Variants in WASHC5 observed in about 807,000 individuals in gnomAD.
WASHC5 encodes the protein WASH complex subunit strumpellin.
Under a neutral mutation model 150.4 loss-of-function variants are expected in WASHC5, and 101 were observed. The observed-to-expected ratio is 0.67, with a 90% CI of 0.57 to 0.79. The LOEUF (loss-of-function observed/expected upper bound fraction) is 0.79, where lower values mean the gene tolerates loss of function less well. Among genes scored for constraint, WASHC5 ranks in the 30% least tolerant of loss-of-function variants. WASHC5 has a pLI of 0.00. For synonymous variants in WASHC5, 467 were observed against 491.2 expected (o/e 0.95, Z 0.65); for missense variants, 1,195 against 1,396.3 (o/e 0.86, Z 2.30).
chr8:125,068,217 T>A (rs1346838835), intron 9 of WASHC5, among the ~76,000 whole-genome samples: 1 of 152,206 alleles, frequency 6.6e-6, no homozygotes, highest in Non-Finnish European at 1.5e-5. Context: ...AGAGCTGCCA[T>A]CATTTTGAGA....
rs1817292446 is a variant in WASHC5, at chr8:125,082,459, T to G, written c.341A>C (p.Asp114Ala). ...KYIVDLNRYL[D>A]DLNEGVYIQQ... ...AATATAAACCCCTTCATTGAGATCA[T>G]CTAGATATCTAGAAATAAAACCACA... is the stretch of plus-strand genomic sequence containing the variant. Residue 114 changes from aspartate (D) to alanine (A), a missense_variant, in exon 4 of 29, where the codon GAT becomes GCT. By Grantham distance (126) the Asp-to-Ala change is moderately radical. Transcript: ENST00000318410. 6.5e-7 allele frequency: 1 copy of G among 1,529,986 alleles called. No homozygotes were observed. The highest frequency in any genetic ancestry group is 9.1e-7 in the Non-Finnish European group (1 of 1,104,268). 94.8% of individuals were successfully genotyped at this position (1,529,986 alleles called of 1,614,324 possible). A position where few individuals can be genotyped will look rare whatever the true frequency, so the allele number is the denominator to read the frequency against.
chr8:125,037,683 T>G, intron 25 of WASHC5, among the ~76,000 whole-genome samples: 2 of 146,144 alleles, frequency 1.4e-5, no homozygotes, highest in Admixed American at 6.8e-5. Flanking sequence ...GAGCTGGAGG[T>G]GAATATAGGG....
intron 17 of WASHC5, among the ~76,000 whole-genome samples, chr8:125,053,627 T>G (rs768324670): frequency 1.3e-5 from 2 of 152,176 alleles, no homozygotes; most frequent in Non-Finnish European, 2.9e-5. Context: ...CCATGGTATT[T>G]CCTTTAGCAT....
Position 125,062,011 on chromosome 8 carries a change from GT to G in WASHC5, c.1409-818del, listed in dbSNP as rs1009193885. Among the ~76,000 whole-genome samples, 115 of 149,426 alleles carry G rather than the reference GT, an allele frequency of 7.7e-4. 1 individual carries two copies. The East Asian group carries it at 0.018, about 23-fold the overall frequency. On this transcript the variant is annotated intron_variant, in intron 11 of 28. Transcript: ENST00000318410. ...TACCTCACCAAGTTGATCCCCTAAA[GT>G]TTTTTTTTTGTTTGTTTATCAATGG...
chr8:125,073,433 T>C, intron 8 of WASHC5, 109 bp from the exon 9 acceptor site: 1 of 930,496 alleles, frequency 1.1e-6, no homozygotes, highest in Non-Finnish European at 1.7e-6. Flanking sequence ...ATAGGATGAA[T>C]GACATATGGA....
At position 125,032,317 on chromosome 8, in the gene WASHC5, A is replaced by G. The variant is rs1815566393; in HGVS notation, c.3259T>C (p.Phe1087Leu). 1 of 1,614,168 alleles carries G rather than the reference A, an allele frequency of 6.2e-7. No individual in the cohort carries two copies. Among genetic ancestry groups the G allele is most frequent in the Non-Finnish European group, 8.5e-7 (1 of 1,180,024 alleles). Residue 1087 changes from phenylalanine to leucine, a missense_variant, in exon 27 of 29, where the codon TTC becomes CTC. Physicochemically the swap from Phe to Leu is conservative, Grantham distance 22. Transcript: ENST00000318410. ...AACTGCTCGGTGTACCGGGAATGGA[A>G]CTGCTTCAGCAGAGTGAGCAGTCCC... ...VLGLLTLLKQ[F>L]HSRYTEQFLA... is the part of the protein sequence containing the mutation.
chr8:125,071,007 AAAGG>A (rs1166652405), intron 9 of WASHC5, among the ~76,000 whole-genome samples: 1 of 152,246 alleles, frequency 6.6e-6, no homozygotes, highest in Non-Finnish European at 1.5e-5. Context: ...ACCATGTTAC[AAAGG>A]AAGGCTACAG....
chr8:125,079,314 C>T (rs1404529190), intron 5 of WASHC5, among the ~76,000 whole-genome samples: 1 of 149,274 alleles, frequency 6.7e-6, no homozygotes, highest in Non-Finnish European at 1.5e-5. Flanking sequence ...CCTCAGCCTC[C>T]TGAGTAACTG....
At chr8:125,068,671 G>C (rs549313379) in intron 9 of WASHC5, among the ~76,000 whole-genome samples, 8 of 152,274 alleles carry the variant, frequency 5.3e-5, no homozygotes, top group Middle Eastern at 3.4e-3. Context: ...ACACAAAGAT[G>C]AGGGACCCCC....
Position 125,083,770 on chromosome 8 carries a change from T to C in WASHC5, c.129A>G (p.Lys43=). ...CATATTTCTGTTGATCAGCTCTGTC[T>C]TTTAACCTGAACACAGCAGGAATAA... ...SEFIPAVFRL[K]DRADQQKYGD... Residue 43 remains lysine (K), a synonymous_variant, in exon 2 of 29, where the codon AAA becomes AAG. Coordinates refer to ENST00000318410, the MANE Select transcript of WASHC5 (RefSeq NM_014846.4). The C allele has an allele frequency of 6.2e-7, 1 of 1,613,918 alleles. No homozygotes were observed. The highest frequency in any genetic ancestry group is 8.5e-7 in the Non-Finnish European group (1 of 1,179,828).
Position 125,028,697 on chromosome 8 carries a change from G to C in WASHC5, c.3346C>G (p.Pro1116Ala). The change falls in exon 28 of 29, where the codon CCT becomes GCT. Residue 1116 changes from proline to alanine, a missense_variant. Coordinates refer to ENST00000318410, the MANE Select transcript of WASHC5 (RefSeq NM_014846.4). ...CCCACAACATCTGCAGGAATTTCAGGTATCTTCTGGCTGTGATAGAGAACA... is the reference window on the plus strand; with the variant it reads ...CCCACAACATCTGCAGGAATTTCAGCTATCTTCTGGCTGTGATAGAGAACA... ...TVEQCTSQKI[P>A]EIPADVVGAL... is the part of the protein sequence containing the mutation. 1.9e-6 allele frequency: 3 copies of C among 1,613,028 alleles called. No individual in the cohort carries two copies. Among genetic ancestry groups the C allele is most frequent in the Non-Finnish European group, 2.5e-6 (3 of 1,179,088 alleles).
intron 5 of WASHC5, among the ~76,000 whole-genome samples, chr8:125,080,547 T>C (rs1817223505): frequency 6.6e-6 from 1 of 152,204 alleles, no homozygotes; most frequent in South Asian, 2.1e-4. Flanking sequence ...TTGTCTACTT[T>C]GTCCTAATTT....
At chr8:125,056,889 T>G in intron 15 of WASHC5, 72 bp from the exon 16 acceptor site, 1 of 1,569,576 alleles carries the variant, frequency 6.4e-7, no homozygotes, top group Non-Finnish European at 8.8e-7. Flanking sequence ...AATATTAGGA[T>G]GCCTAATTTG....
intron 10 of WASHC5, among the ~76,000 whole-genome samples, chr8:125,065,478 T>C (rs1484074207): frequency 6.6e-6 from 1 of 152,154 alleles, no homozygotes; most frequent in Non-Finnish European, 1.5e-5. Flanking sequence ...TCATTAGAAA[T>C]ACAGGCTTGG....
chr8:125,065,149 T>C (rs1443253026), intron 10 of WASHC5, among the ~76,000 whole-genome samples: 1 of 152,186 alleles, frequency 6.6e-6, no homozygotes, highest in Non-Finnish European at 1.5e-5. Flanking sequence ...GGAAATGTGC[T>C]GTCATATAAA....
rs573629246 is a variant in WASHC5 at position 125,050,088 on chromosome 8, T to C, written c.2199+476A>G. 3.4e-3 allele frequency among the ~76,000 whole-genome samples: 524 copies of C among 152,218 alleles called. 2 individuals carry two copies. The highest frequency in any genetic ancestry group is 6.2e-3 in the Non-Finnish European group (422 of 68,010). ...TCTAGTCTCAGAATACTTAAAACAT[T>C]TTAAATTGAATTTACTATGATAATA... On this transcript the variant is annotated intron_variant, in intron 18 of 28. Coordinates refer to ENST00000318410, the MANE Select transcript of WASHC5 (RefSeq NM_014846.4).
At chr8:125,045,359 G>A (rs1045702269) in intron 20 of WASHC5, among the ~76,000 whole-genome samples, 3 of 152,160 alleles carry the variant, frequency 2.0e-5, no homozygotes, top group Non-Finnish European at 4.4e-5. Context: ...TAATAGCTCT[G>A]TGGAATACAA....
chr8:125,057,755 A>G (rs1363204790), intron 14 of WASHC5, 89 bp from the exon 15 acceptor site: 2 of 905,404 alleles, frequency 2.2e-6, no homozygotes, highest in Non-Finnish European at 3.6e-6. Flanking sequence ...ACAACAAAAC[A>G]TTTGGGTTTT....
rs74415175 is a variant in WASHC5 at position 125,079,029 on chromosome 8, T to C, written c.519-99A>G. On this transcript the variant is annotated intron_variant, in intron 5 of 28. Transcript: ENST00000318410. ...AATTCCATTCTACTTTGACTCAATA[T>C]AGTTTCAGATATGATCACAGGTCCA... The C allele has an allele frequency of 0.06, 56,545 of 947,506 alleles. 5,689 individuals carry two copies. Among genetic ancestry groups the C allele is most frequent in the African/African-American group, 0.38 (22,503 of 60,006 alleles). 58.7% of individuals were successfully genotyped at this position (947,506 alleles called of 1,614,324 possible).
Sources: allele counts gnomAD v4.1 joint callset (sites outside exome capture counted in the v4.1 genomes callset), GRCh38; gene constraint gnomAD v4.1.1; transcripts MANE v1.5; gene names NCBI Gene and HGNC (gene_info 2026-07-23, HGNC 2026-07-21).